Variants in TOLLIP observed in about 807,000 individuals in gnomAD.
TOLLIP encodes the protein toll-interacting protein.
TOLLIP carries 16 observed loss-of-function variants against 33.5 expected under a neutral mutation model. The observed-to-expected ratio is 0.48, with a 90% CI of 0.32 to 0.72. TOLLIP has a LOEUF of 0.72. Ranked by LOEUF, TOLLIP falls within the 30% of genes least tolerant of loss-of-function variation. TOLLIP has a pLI of 0.03. For synonymous variants in TOLLIP, 176 were observed against 163.7 expected, an observed-to-expected ratio of 1.07 and a Z score of -0.57; for missense variants, 325 against 396.6, an observed-to-expected ratio of 0.82 and a Z score of 1.53.
At chr11:1,288,818 G>A (rs200810723) in intron 3 of TOLLIP, 42 bp from the exon 4 acceptor site, 215 of 1,592,614 alleles carry the variant, frequency 1.3e-4, no homozygotes, top group Admixed American at 6.2e-4. Context: ...ATCAGGGAAG[G>A]GGCCACCCTG....
At chr11:1,302,410 G>A (rs961357105) in intron 1 of TOLLIP, among the ~76,000 whole-genome samples, 2 of 152,248 alleles carry the variant, frequency 1.3e-5, no homozygotes, top group African/African-American at 4.8e-5. Context: ...GGGGAGCCCC[G>A]TGGAGGTGAA....
At chr11:1,287,393 CT>C in intron 4 of TOLLIP, among the ~76,000 whole-genome samples, 2 of 106,832 alleles carry the variant, frequency 1.9e-5, no homozygotes, top group Middle Eastern at 4.9e-3. Context: ...CTCCCTGCTG[CT>C]GCCTCCCCGC....
chr11:1,308,867 G>A (rs935823124), intron 1 of TOLLIP, among the ~76,000 whole-genome samples: 7 of 152,134 alleles, frequency 4.6e-5, no homozygotes, highest in Admixed American at 4.6e-4. Flanking sequence ...CAGGGTGCGG[G>A]ACCCGCCTCC....
chr11:1,299,779 C>T (rs149893655), intron 1 of TOLLIP, among the ~76,000 whole-genome samples: 1 of 152,376 alleles, frequency 6.6e-6, no homozygotes, highest in African/African-American at 2.4e-5. Flanking sequence ...CACTCGGGCA[C>T]GTGAGCACAG....
intron 1 of TOLLIP, among the ~76,000 whole-genome samples, chr11:1,299,888 C>T (rs549934423): frequency 3.3e-5 from 5 of 152,326 alleles, no homozygotes; most frequent in Non-Finnish European, 5.9e-5. Context: ...CAGGAGCCGG[C>T]GGTCCCTGCC....
At chr11:1,282,172 G>C (rs1863524072) in intron 5 of TOLLIP, among the ~76,000 whole-genome samples, 1 of 152,246 alleles carries the variant, frequency 6.6e-6, no homozygotes, top group Admixed American at 6.5e-5. Context: ...GAAATGCAGA[G>C]AGCCTGGGGC....
Position 1,290,078 on chromosome 11 carries a change from C to T in TOLLIP, c.366+149G>A, listed in dbSNP as rs1367027411. ...CCTTTTTCACATTCCTTGGGGAGAG[C>T]AGGACCCTGTCATGCACCCAATGAA... On this transcript the variant is annotated intron_variant, in intron 3 of 5. Transcript: ENST00000317204. The surrounding 1 kb of genome is among the most constrained non-coding windows in gnomAD (Gnocchi z 4.9). The T allele has an allele frequency of 5.8e-6, 4 of 691,710 alleles. No individual in the cohort carries two copies. Among genetic ancestry groups the T allele is most frequent in the Non-Finnish European group, 9.7e-6 (4 of 410,354 alleles). 42.8% of individuals were successfully genotyped at this position (691,710 alleles called of 1,614,324 possible). A position where few individuals can be genotyped will look rare whatever the true frequency, so the allele number is the denominator to read the frequency against.
rs1864534462 is a variant in TOLLIP at position 1,309,588 on chromosome 11, G to A, written c.-90C>T. 3 of 625,212 alleles carry A rather than the reference G, an allele frequency of 4.8e-6. No homozygotes were observed. The highest frequency in any genetic ancestry group is 6.8e-6 in the Non-Finnish European group (3 of 438,646). 38.7% of individuals were successfully genotyped at this position (625,212 alleles called of 1,614,324 possible). On this transcript the variant is annotated 5_prime_UTR_variant, in exon 1 of 6. Transcript: ENST00000317204. ...CCCGCCGGAGCCTGCGACGGAGACA[G>A]TTGTCACCTCGAGGCCGCCGCCGCC...
intron 5 of TOLLIP, chr11:1,283,471 G>A (rs1217843915): frequency 1.3e-5 from 5 of 389,324 alleles, no homozygotes; most frequent in South Asian, 1.6e-5. Flanking sequence ...ACGCATGCCT[G>A]GGCATGGGGG....
chr11:1,306,985 A>G (rs1864437832), intron 1 of TOLLIP, among the ~76,000 whole-genome samples: 1 of 151,582 alleles, frequency 6.6e-6, no homozygotes, highest in Non-Finnish European at 1.5e-5. Flanking sequence ...CCAGCACCTG[A>G]CGCTTAAGAT....
At chr11:1,305,533 AGCCAGCCGACACC>A (rs1864400733) in intron 1 of TOLLIP, among the ~76,000 whole-genome samples, 1 of 152,242 alleles carries the variant, frequency 6.6e-6, no homozygotes, top group African/African-American at 2.4e-5. Flanking sequence ...GTTTCAGGAC[AGCCAGCCGACACC>A]GGTTGATGGG....
At chr11:1,279,835 C>A (rs533016231) in intron 5 of TOLLIP, among the ~76,000 whole-genome samples, 1 of 152,302 alleles carries the variant, frequency 6.6e-6, no homozygotes, top group South Asian at 2.1e-4. Flanking sequence ...TGGTAAGTCC[C>A]GGCCGCCGGT....
chr11:1,276,830 G>T lies in TOLLIP; in HGVS notation c.*209C>A. On this transcript the variant is annotated 3_prime_UTR_variant, in exon 6 of 6. Transcript: ENST00000317204. ...CGCTGAGACCTCCCAGCACGAGATGGGAGGGGAGCCCCCGCCCCGTCCTGG... is the reference window on the plus strand; with the variant it reads ...CGCTGAGACCTCCCAGCACGAGATGTGAGGGGAGCCCCCGCCCCGTCCTGG... 2 of 1,531,444 alleles carry T rather than the reference G, an allele frequency of 1.3e-6. No homozygotes were observed. Among genetic ancestry groups the T allele is most frequent in the Non-Finnish European group, 1.7e-6 (2 of 1,144,272 alleles). The allele number at this position is 1,531,444 out of a possible 1,614,324, so 94.9% of individuals were successfully genotyped here. A position where few individuals can be genotyped will look rare whatever the true frequency, so the allele number is the denominator to read the frequency against.
At position 1,288,548 on chromosome 11, in the gene TOLLIP, G is replaced by A. The variant is rs1484595958; in HGVS notation, c.519+76C>T. The A allele has an allele frequency of 1.1e-5, 17 of 1,487,690 alleles. No individual in the cohort carries two copies. In the East Asian group the frequency reaches 3.3e-4, roughly 29 times the overall value. The allele number at this position is 1,487,690 out of a possible 1,614,324, so 92.2% of individuals were successfully genotyped here. The stretch of plus-strand genomic sequence containing the variant: ...GTGCCTCCAGGAAAGAGACAAGGGT[G>A]TCTGTGGGGCGGCATAGCCCCGACG... On this transcript the variant is annotated intron_variant, in intron 4 of 5. Transcript: ENST00000317204.
In TOLLIP at chr11:1,276,911, A is replaced by G; in HGVS notation, c.*128T>C. On this transcript the variant is annotated 3_prime_UTR_variant, in exon 6 of 6. Coordinates refer to ENST00000317204, the MANE Select transcript of TOLLIP (RefSeq NM_019009.4). ...CAAGAACAGGTGTGGACGGGGCGGC[A>G]CAGAAGTCCACGGGAGGGGGCGACA... 1 of 1,566,838 alleles carries G rather than the reference A, an allele frequency of 6.4e-7. No individual in the cohort carries two copies. The highest frequency in any genetic ancestry group is 8.6e-7 in the Non-Finnish European group (1 of 1,158,164).
At chr11:1,305,438 A>T (rs1328186578) in intron 1 of TOLLIP, among the ~76,000 whole-genome samples, 2 of 152,200 alleles carry the variant, frequency 1.3e-5, no homozygotes, top group African/African-American at 2.4e-5. Flanking sequence ...AAGCCCACAC[A>T]CATCTACAAA....
Position 1,277,802 on chromosome 11 carries a change from C to T in TOLLIP, c.611-549G>A, listed in dbSNP as rs1345994135. Among the ~76,000 whole-genome samples the T allele has an allele frequency of 6.6e-6, 1 of 152,208 alleles. No homozygotes were observed. Among genetic ancestry groups the T allele is most frequent in the Non-Finnish European group, 1.5e-5 (1 of 68,040 alleles). On this transcript the variant is annotated intron_variant, in intron 5 of 5. Coordinates refer to ENST00000317204, the MANE Select transcript of TOLLIP (RefSeq NM_019009.4). This position sits in a 1 kb window ranked among gnomAD's most constrained non-coding sequence, Gnocchi z 4.2. ...CTGTGTGCCGGTGGGGAACAATCACCACAGGCACTGAAGACCTCAGCAAAG... is the reference window on the plus strand; with the variant it reads ...CTGTGTGCCGGTGGGGAACAATCACTACAGGCACTGAAGACCTCAGCAAAG...
intron 5 of TOLLIP, among the ~76,000 whole-genome samples, chr11:1,284,539 C>T (rs905072400): frequency 9.9e-5 from 15 of 152,270 alleles, no homozygotes; most frequent in African/African-American, 2.2e-4. Flanking sequence ...TTAGTAGAGA[C>T]GGGGTTTCAC....
In TOLLIP at chr11:1,278,391, G is replaced by C. The variant is rs1863380715; in HGVS notation, c.611-1138C>G. 6.6e-6 allele frequency among the ~76,000 whole-genome samples: 1 copy of C among 152,158 alleles called. No homozygotes were observed. Among genetic ancestry groups the C allele is most frequent in the Admixed American group, 6.5e-5 (1 of 15,284 alleles). ...GCCCCAATCTTAGGATAGGACTTTTGTTCCTTTCTACACTTGGAGGATCCT... is the reference window on the plus strand; with the variant it reads ...GCCCCAATCTTAGGATAGGACTTTTCTTCCTTTCTACACTTGGAGGATCCT... On this transcript the variant is annotated intron_variant, in intron 5 of 5. Transcript: ENST00000317204. The surrounding 1 kb of genome is among the most constrained non-coding windows in gnomAD (Gnocchi z 4.7).
Sources: allele counts gnomAD v4.1 joint callset (sites outside exome capture counted in the v4.1 genomes callset), GRCh38; gene constraint gnomAD v4.1.1; non-coding constraint Gnocchi (gnomAD v3.1); transcripts MANE v1.5; gene names NCBI Gene and HGNC (gene_info 2026-07-23, HGNC 2026-07-21).